The following PROK2 variants were observed in gnomAD, a reference collection of about 807,000 sequenced individuals.
PROK2 encodes the protein prokineticin-2.
Under a neutral mutation model 14.2 loss-of-function variants are expected in PROK2, and 8 were observed. The ratio of observed to expected loss-of-function variants is 0.56; its 90% CI spans 0.33 to 1.02. PROK2 has a LOEUF of 1.02. Ranked by LOEUF, PROK2 falls within the 50% of genes least tolerant of loss-of-function variation. The probability of loss-of-function intolerance (pLI) is 0.03; values close to 1 mark genes in which losing one functional copy is unlikely to be tolerated. For missense variants in PROK2, 154 were observed against 160.4 expected (o/e 0.96, Z 0.22); for synonymous variants, 59 against 60.7 (o/e 0.97, Z 0.13).
At chr3:71,780,001 G>C (rs563958419) in intron 2 of PROK2, among the ~76,000 whole-genome samples, 4 of 152,314 alleles carry the variant, frequency 2.6e-5, no homozygotes, top group Non-Finnish European at 4.4e-5. Context: ...AATTCAATAA[G>C]GGTGTTGAAA....
At chr3:71,784,917 G>T (rs2050200019) in intron 1 of PROK2, 40 bp downstream of exon 1, 1 of 1,221,440 alleles carries the variant, frequency 8.2e-7, no homozygotes, top group African/African-American at 1.6e-5. Flanking sequence ...CACATCCCAG[G>T]CGCGCATCAG....
In PROK2 at chr3:71,772,428, G is replaced by T; in HGVS notation, c.*296C>A. 6.5e-6 allele frequency: 2 copies of T among 305,996 alleles called. No homozygotes were observed. Among genetic ancestry groups the T allele is most frequent in the Middle Eastern group, 1.0e-3 (1 of 966 alleles). The allele number at this position is 305,996 out of a possible 1,614,324, so 19.0% of individuals were successfully genotyped here. ...TCAAATTCTTATTTTCCTCATTTTTGTGAAAATGGGTACGTTTTTGACATT... is the reference window on the plus strand; with the variant it reads ...TCAAATTCTTATTTTCCTCATTTTTTTGAAAATGGGTACGTTTTTGACATT... On this transcript the variant is annotated 3_prime_UTR_variant, in exon 4 of 4. Coordinates refer to ENST00000295619, the MANE Select transcript of PROK2 (RefSeq NM_001126128.2).
chr3:71,773,537 G>C (rs879406535), intron 3 of PROK2, among the ~76,000 whole-genome samples: 2 of 152,068 alleles, frequency 1.3e-5, no homozygotes, highest in Non-Finnish European at 2.9e-5. Context: ...TATCATTGAA[G>C]CTCCTTGAGC....
At chr3:71,782,150 C>T (rs1324894729) in intron 1 of PROK2, among the ~76,000 whole-genome samples, 2 of 152,198 alleles carry the variant, frequency 1.3e-5, no homozygotes, top group Admixed American at 6.6e-5. Flanking sequence ...AGAGACTTGA[C>T]GTTTCTCACA....
chr3:71,776,171 T>G lies in PROK2; in HGVS notation c.223-1664A>C, dbSNP rs371565273. ...TTAAATCAAGGACACCAAGACTGTATGAACATCAATCTGGATCTGCCTTGA... is the reference window on the plus strand; with the variant it reads ...TTAAATCAAGGACACCAAGACTGTAGGAACATCAATCTGGATCTGCCTTGA... On this transcript the variant is annotated intron_variant, in intron 2 of 3. Transcript: ENST00000295619. Among the ~76,000 whole-genome samples the G allele has an allele frequency of 2.0e-5, 3 of 152,242 alleles. No homozygotes were observed. In the South Asian group the frequency reaches 6.2e-4, roughly 32 times the overall value.
intron 2 of PROK2, among the ~76,000 whole-genome samples, chr3:71,780,506 T>C (rs1157657798): frequency 2.0e-5 from 3 of 152,238 alleles, no homozygotes; most frequent in Non-Finnish European, 4.4e-5. Context: ...GTATACAATG[T>C]GTAGAAAGAA....
chr3:71,778,944 G>C (rs1262006015), intron 2 of PROK2, among the ~76,000 whole-genome samples: 1 of 152,200 alleles, frequency 6.6e-6, no homozygotes, highest in Non-Finnish European at 1.5e-5. Flanking sequence ...ATTATTTAAA[G>C]ATTTCATTAT....
At chr3:71,777,984 A>T (rs552484241) in intron 2 of PROK2, among the ~76,000 whole-genome samples, 1 of 152,248 alleles carries the variant, frequency 6.6e-6, no homozygotes, top group Admixed American at 6.5e-5. Context: ...TCACGAGGTC[A>T]GGAGATCAAG....
chr3:71,785,096 C>G lies in PROK2; in HGVS notation c.-44G>C. ...CGGCCGCCGGAGGCAGTTGGGGGCG[C>G]GGGGCCCGGGTGCGCTGGGTGGAGC... On this transcript the variant is annotated 5_prime_UTR_variant, in exon 1 of 4. Coordinates refer to ENST00000295619, the MANE Select transcript of PROK2 (RefSeq NM_001126128.2). 8.5e-7 allele frequency: 1 copy of G among 1,180,626 alleles called. No homozygotes were observed. The highest frequency in any genetic ancestry group is 1.1e-6 in the Non-Finnish European group (1 of 941,104). 73.1% of individuals were successfully genotyped at this position (1,180,626 alleles called of 1,614,324 possible).
chr3:71,776,447 AG>A (rs2050120798), intron 2 of PROK2, among the ~76,000 whole-genome samples: 2 of 128,330 alleles, frequency 1.6e-5, no homozygotes, highest in Non-Finnish European at 3.1e-5. Context: ...GCATGATCTC[AG>A]CTCACTGTAG....
intron 2 of PROK2, among the ~76,000 whole-genome samples, chr3:71,776,289 G>A (rs1470864027): frequency 1.3e-5 from 2 of 151,342 alleles, no homozygotes; most frequent in Admixed American, 6.6e-5. Context: ...AGTTCTGTGA[G>A]CTCCTAACGA....
At chr3:71,784,485 C>G (rs2050195058) in intron 1 of PROK2, among the ~76,000 whole-genome samples, 1 of 152,164 alleles carries the variant, frequency 6.6e-6, no homozygotes, top group Non-Finnish European at 1.5e-5. Flanking sequence ...GAGGACGCAT[C>G]GGGGAGCAAA....
In PROK2 at chr3:71,772,220, C is replaced by G. The variant is rs1183808694; in HGVS notation, c.*504G>C. The G allele has an allele frequency of 6.9e-5, 11 of 160,410 alleles. No individual in the cohort carries two copies. The highest frequency in any genetic ancestry group is 6.7e-4 in the Admixed American group (11 of 16,354). The allele number at this position is 160,410 out of a possible 1,614,324, so 9.9% of individuals were successfully genotyped here. Reference sequence around the variant, plus strand: ...TGCCATCAAACTCAAAGAGACAAACCCTCCACTTTAAAATGCAAGAGGAGG... The same window carrying G: ...TGCCATCAAACTCAAAGAGACAAACGCTCCACTTTAAAATGCAAGAGGAGG... On this transcript the variant is annotated 3_prime_UTR_variant, in exon 4 of 4. Transcript: ENST00000295619.
chr3:71,784,604 A>G (rs536583900), intron 1 of PROK2, among the ~76,000 whole-genome samples: 2 of 152,344 alleles, frequency 1.3e-5, no homozygotes, highest in Admixed American at 6.5e-5. Context: ...GAGAGCCTCC[A>G]AAAGTACTTG....
intron 1 of PROK2, among the ~76,000 whole-genome samples, chr3:71,783,637 T>C (rs2050187557): frequency 6.6e-6 from 1 of 152,176 alleles, no homozygotes; most frequent in Non-Finnish European, 1.5e-5. Context: ...GATACTTATA[T>C]TGCAAAGGGA....
chr3:71,781,383 G>GTTA, intron 2 of PROK2, 84 bp downstream of exon 2: 1 of 1,530,384 alleles, frequency 6.5e-7, no homozygotes, highest in Non-Finnish European at 9.0e-7. Flanking sequence ...TGTCGAGCAC[G>GTTA]TTACCCAGTC....
chr3:71,784,876 C>A, intron 1 of PROK2, 81 bp downstream of exon 1: 1 of 1,141,690 alleles, frequency 8.8e-7, no homozygotes, highest in Non-Finnish European at 1.1e-6. Context: ...TCTAGCCTGC[C>A]CTTCAGGGTC....
chr3:71,780,796 T>G (rs2050154769), intron 2 of PROK2, among the ~76,000 whole-genome samples: 1 of 152,218 alleles, frequency 6.6e-6, no homozygotes, highest in Non-Finnish European at 1.5e-5. Flanking sequence ...CAGGTGGGTC[T>G]GCAACCCTTG....
chr3:71,781,369 T>C lies in PROK2; in HGVS notation c.222+98A>G. The C allele has an allele frequency of 4.1e-6, 6 of 1,467,290 alleles. No homozygotes were observed. In the South Asian group the frequency reaches 6.9e-5, roughly 17 times the overall value. 90.9% of individuals were successfully genotyped at this position (1,467,290 alleles called of 1,614,324 possible). ...CCTTGCTAATGTCCAATATTCATTTTGTTTGTCGAGCACGTTACCCAGTCC... is the reference window on the plus strand; with the variant it reads ...CCTTGCTAATGTCCAATATTCATTTCGTTTGTCGAGCACGTTACCCAGTCC... On this transcript the variant is annotated intron_variant, in intron 2 of 3. Transcript: ENST00000295619.
Sources: gnomAD v4.1 joint callset for allele counts (sites outside exome capture counted in the v4.1 genomes callset) on GRCh38, gnomAD v4.1.1 for gene constraint, MANE v1.5 for transcripts, NCBI Gene and HGNC (gene_info 2026-07-23, HGNC 2026-07-21) for gene names.